Variants in NAALAD2 observed in about 807,000 individuals in gnomAD.
NAALAD2 encodes N-acetylated alpha-linked acidic dipeptidase 2, also known as N-acetylated-alpha-linked acidic dipeptidase 2.
Under a neutral mutation model 95.6 loss-of-function variants are expected in NAALAD2, and 89 were observed. That is an observed-to-expected ratio of 0.93 (90% CI 0.78 to 1.11). The LOEUF is 1.11. Among genes scored for constraint, NAALAD2 ranks in the 50% least tolerant of loss-of-function variants. The probability of loss-of-function intolerance (pLI) is 0.00; values close to 1 mark genes in which losing one functional copy is unlikely to be tolerated. For missense variants in NAALAD2, 894 were observed against 872.4 expected, an observed-to-expected ratio of 1.02 and a Z score of -0.31; for synonymous variants, 264 against 294.4, an observed-to-expected ratio of 0.90 and a Z score of 1.06.
intron 17 of NAALAD2, 84 bp from the exon 18 acceptor site, chr11:90,182,832 C>A: frequency 1.1e-6 from 1 of 920,936 alleles, no homozygotes; most frequent in South Asian, 1.6e-5. Context: ...AATATATTTT[C>A]CCAAGCCTTG....
At chr11:90,154,618 T>A (rs1951980694) in intron 6 of NAALAD2, among the ~76,000 whole-genome samples, 1 of 151,514 alleles carries the variant, frequency 6.6e-6, no homozygotes, top group Non-Finnish European at 1.5e-5. Context: ...TGTCATTTGG[T>A]ATCAAAGAAA....
In NAALAD2 at chr11:90,150,547, C is replaced by T; in HGVS notation, c.549C>T (p.Gly183=). 1 of 1,609,844 alleles carries T rather than the reference C, an allele frequency of 6.2e-7. No homozygotes were observed. The highest frequency in any genetic ancestry group is 1.3e-5 in the African/African-American group (1 of 74,760). ...EDFFKLEREM[G]INCTGKIVIA... is the part of the protein sequence containing the mutation. ...TTTTCAAACTAGAAAGAGAGATGGG[C>T]ATCAACTGTACTGGGAAGATTGTTA... is the stretch of plus-strand genomic sequence containing the variant. Residue 183 remains glycine, a synonymous_variant, in exon 5 of 19, where the codon GGC becomes GGT. Transcript: ENST00000534061.
chr11:90,183,622 A>G (rs918356909), intron 18 of NAALAD2, among the ~76,000 whole-genome samples: 2 of 152,196 alleles, frequency 1.3e-5, no homozygotes, highest in Non-Finnish European at 2.9e-5. Flanking sequence ...CACATTAAGT[A>G]GAAACCATAC....
chr11:90,161,925 G>GAA (rs11322265), intron 8 of NAALAD2, among the ~76,000 whole-genome samples: 1 of 143,396 alleles, frequency 7.0e-6, no homozygotes. Context: ...GCCTTAAAAT[G>GAA]AAAAAAAAAA....
chr11:90,155,173 C>G lies in NAALAD2; in HGVS notation c.796+2689C>G, dbSNP rs563900005. 1.8e-3 allele frequency among the ~76,000 whole-genome samples: 208 copies of G among 117,182 alleles called. 1 individual carries two copies. The highest frequency in any genetic ancestry group is 2.7e-3 in the Non-Finnish European group (164 of 60,870). The allele number at this position is 117,182 out of a possible 152,430, so 76.9% of individuals were successfully genotyped here. A position where few individuals can be genotyped will look rare whatever the true frequency, so the allele number is the denominator to read the frequency against. On this transcript the variant is annotated intron_variant, in intron 6 of 18. Transcript: ENST00000534061. ...ATATGTGTGTATATATATTATATAC[C>G]TATACATAATATGTATATATGTGTG...
intron 7 of NAALAD2, 128 bp from the exon 8 acceptor site, chr11:90,159,111 A>C: frequency 2.8e-6 from 2 of 725,268 alleles, no homozygotes; most frequent in Non-Finnish European, 4.6e-6. Flanking sequence ...GCTTTTTGAC[A>C]GTACCTGGCA....
chr11:90,174,732 T>A (rs1952737237), intron 14 of NAALAD2, among the ~76,000 whole-genome samples: 4 of 151,394 alleles, frequency 2.6e-5, no homozygotes. Context: ...TTATTTGTTT[T>A]TATTTTCTTT....
chr11:90,175,926 T>TTGTGTGTG (rs763929585), intron 14 of NAALAD2, 46 bp from the exon 15 acceptor site: 57 of 621,404 alleles, frequency 9.2e-5, no homozygotes, highest in African/African-American at 6.9e-4. Context: ...ATTTACTTGT[T>TTGTGTGTG]TATGTGTGTG....
chr11:90,134,629 G>T (rs900987915), upstream of NAALAD2: 2 of 779,680 alleles, frequency 2.6e-6, no homozygotes, highest in Non-Finnish European at 4.3e-6. Context: ...GTAGGGCGGA[G>T]GCGTGGCCTT....
At chr11:90,179,538 G>C (rs1484026372) in intron 16 of NAALAD2, among the ~76,000 whole-genome samples, 1 of 151,620 alleles carries the variant, frequency 6.6e-6, no homozygotes, top group Non-Finnish European at 1.5e-5. Context: ...CTATGGTCTA[G>C]AAAAAAAATG....
At chr11:90,150,348 G>T in intron 4 of NAALAD2, 134 bp from the exon 5 acceptor site, 1 of 455,496 alleles carries the variant, frequency 2.2e-6, no homozygotes, top group Non-Finnish European at 3.8e-6. Flanking sequence ...CATAATTACT[G>T]TGGGTCTGTT....
At chr11:90,167,133 C>G (rs570269299) in intron 11 of NAALAD2, among the ~76,000 whole-genome samples, 95 of 152,300 alleles carry the variant, frequency 6.2e-4, no homozygotes, top group African/African-American at 2.1e-3. Context: ...TGTGGGAGCC[C>G]CTTTCTGGGC....
At position 90,159,326 on chromosome 11, in the gene NAALAD2, T is replaced by G; in HGVS notation, c.978T>G (p.Ser326Arg). The change falls in exon 8 of 19, where the codon AGT becomes AGG. Residue 326 changes from serine (S) to arginine (R), a missense_variant. Coordinates refer to ENST00000534061, the MANE Select transcript of NAALAD2 (RefSeq NM_005467.4). ...GTATCGGACCTGGCTTTACAGGGAG[T>G]GATTCTTTCAGGTAATTTTGCATTA... is the stretch of plus-strand genomic sequence containing the variant. ...SYSIGPGFTG[S>R]DSFRKVRMHV... is the part of the protein sequence containing the mutation. The G allele has an allele frequency of 6.2e-7, 1 of 1,612,448 alleles. No individual in the cohort carries two copies. The highest frequency in any genetic ancestry group is 8.5e-7 in the Non-Finnish European group (1 of 1,178,812).
At chr11:90,137,330 T>G (rs942484839) in intron 2 of NAALAD2, among the ~76,000 whole-genome samples, 1 of 152,120 alleles carries the variant, frequency 6.6e-6, no homozygotes, top group Non-Finnish European at 1.5e-5. Flanking sequence ...TAACAATAAT[T>G]TATTGTATAT....
rs558652335 is a variant in NAALAD2, at chr11:90,178,467, C to T, written c.1858+350C>T. Among the ~76,000 whole-genome samples the T allele has an allele frequency of 1.7e-3, 266 of 152,058 alleles. 2 individuals carry two copies. Among genetic ancestry groups the T allele is most frequent in the African/African-American group, 6.3e-3 (261 of 41,478 alleles). On this transcript the variant is annotated intron_variant, in intron 16 of 18. Coordinates refer to ENST00000534061, the MANE Select transcript of NAALAD2 (RefSeq NM_005467.4). ...CGGGCAGATGATGAGGTCAGGAGAT[C>T]GAGACCATTCTGGCTATTATGGTGA...
chr11:90,149,606 GTATTTTTTTT>G (rs1444524483), intron 4 of NAALAD2, among the ~76,000 whole-genome samples: 1 of 151,810 alleles, frequency 6.6e-6, no homozygotes. Flanking sequence ...TGCTAATTTT[GTATTTTTTTT>G]TAGTGGAGAC....
intron 6 of NAALAD2, among the ~76,000 whole-genome samples, chr11:90,155,541 T>C (rs1196041481): frequency 1.7e-5 from 2 of 115,558 alleles, no homozygotes; most frequent in Non-Finnish European, 3.3e-5. Flanking sequence ...TGCTATATTA[T>C]ATATGATATA....
chr11:90,180,430 A>C (rs1397353474), intron 16 of NAALAD2, among the ~76,000 whole-genome samples: 2 of 152,100 alleles, frequency 1.3e-5, no homozygotes, highest in Non-Finnish European at 2.9e-5. Flanking sequence ...ATCTGGGACT[A>C]AGAAGGTTTT....
chr11:90,143,127 A>C (rs1030742487), intron 2 of NAALAD2, among the ~76,000 whole-genome samples: 7 of 152,122 alleles, frequency 4.6e-5, no homozygotes, highest in Non-Finnish European at 1.5e-5. Flanking sequence ...TTGTAAACCA[A>C]TTAAAGTTAA....
Sources: allele counts gnomAD v4.1 joint callset (sites outside exome capture counted in the v4.1 genomes callset), GRCh38; gene constraint gnomAD v4.1.1; transcripts MANE v1.5; gene names NCBI Gene and HGNC (gene_info 2026-07-23, HGNC 2026-07-21).